ITGA11: variants seen among roughly 807,000 people sequenced by gnomAD.
ITGA11 encodes the protein integrin subunit alpha 11.
In ITGA11, 97 loss-of-function variants were observed where a neutral mutation model predicts 141.9. The observed-to-expected ratio is 0.68, with a 90% CI of 0.58 to 0.81. The LOEUF (loss-of-function observed/expected upper bound fraction) is 0.81, where lower values mean the gene tolerates loss of function less well. ITGA11 is among the 30% of genes least tolerant of loss of function. The pLI is 0.00. For missense variants in ITGA11, 1,387 were observed against 1,559.2 expected, an observed-to-expected ratio of 0.89 and a Z score of 1.86; for synonymous variants, 658 against 624.6, an observed-to-expected ratio of 1.05 and a Z score of -0.80.
intron 2 of ITGA11, among the ~76,000 whole-genome samples, chr15:68,387,090 G>A (rs1004727455): frequency 6.6e-6 from 1 of 152,110 alleles, no homozygotes; most frequent in Non-Finnish European, 1.5e-5. Flanking sequence ...AAAGTAAGGT[G>A]AGAAATCTGG....
At chr15:68,351,226 C>T (rs758245553) in intron 8 of ITGA11, 32 bp downstream of exon 8, 1 of 1,611,792 alleles carries the variant, frequency 6.2e-7, no homozygotes, top group Admixed American at 1.7e-5. Flanking sequence ...TCTCAGAGGC[C>T]ATCAGCAGCC....
At chr15:68,366,339 C>T (rs1389831015) in intron 3 of ITGA11, among the ~76,000 whole-genome samples, 1 of 152,014 alleles carries the variant, frequency 6.6e-6, no homozygotes, top group East Asian at 1.9e-4. Flanking sequence ...TAGTGACTGC[C>T]ACAAGGTTAC....
intron 6 of ITGA11, 119 bp from the exon 7 acceptor site, chr15:68,357,418 G>C: frequency 8.2e-7 from 1 of 1,226,026 alleles, no homozygotes. Flanking sequence ...AGGGAGGAGG[G>C]CTGAGGACCT....
rs772892198 is a variant in ITGA11 at position 68,335,705 on chromosome 15, C to T, written c.1417G>A (p.Gly473Ser). 17 of 1,613,536 alleles carry T rather than the reference C, an allele frequency of 1.1e-5. 1 individual carries two copies. The Admixed American group carries it at 1.2e-4, about 11-fold the overall frequency. The change falls in exon 12 of 30, where the codon GGC becomes AGC. Residue 473 changes from glycine to serine, a missense_variant. Physicochemically the swap from Gly to Ser is moderately conservative, Grantham distance 56. Coordinates refer to ENST00000315757, the MANE Select transcript of ITGA11 (RefSeq NM_001004439.2). The surrounding 1 kb of genome is among the most constrained non-coding windows in gnomAD (Gnocchi z 4.9). ...GGCTCCCCCTCCATTACCTGCTGGC[C>T]CCGCATAGCCTGGTGGATGGTGAGG... is the stretch of plus-strand genomic sequence containing the variant. ...RSLTIHQAMR[G>S]QQIGSYFGSE...
chr15:68,368,354 G>A (rs1050179461), intron 3 of ITGA11, among the ~76,000 whole-genome samples: 8 of 152,240 alleles, frequency 5.3e-5, no homozygotes, highest in African/African-American at 1.9e-4. Flanking sequence ...TCTGAGAGCA[G>A]AGCAAGCAAT....
At chr15:68,355,436 G>GTTCTTTTT (rs573266473) in intron 7 of ITGA11, among the ~76,000 whole-genome samples, 3 of 151,786 alleles carry the variant, frequency 2.0e-5, no homozygotes, top group African/African-American at 7.3e-5. Context: ...CTACTAAATA[G>GTTCTTTTT]TTCTTTTTTT....
At chr15:68,431,987 C>G (rs1897279755) in intron 1 of ITGA11, 28 bp downstream of exon 1, 2 of 1,296,024 alleles carry the variant, frequency 1.5e-6, no homozygotes, top group East Asian at 6.2e-5. Context: ...CTCCGAGAGG[C>G]AAGGGGAGGC....
At chr15:68,406,207 C>T (rs950114876) in intron 1 of ITGA11, among the ~76,000 whole-genome samples, 7 of 152,158 alleles carry the variant, frequency 4.6e-5, no homozygotes, top group African/African-American at 1.7e-4. Context: ...GGGACCCTTC[C>T]AAGACCTGTG....
chr15:68,427,333 A>G (rs763338267), intron 1 of ITGA11, among the ~76,000 whole-genome samples: 3 of 152,226 alleles, frequency 2.0e-5, no homozygotes, highest in Non-Finnish European at 4.4e-5. Flanking sequence ...ACATATGGAC[A>G]TTTAACCTGA....
At chr15:68,384,036 C>T (rs1027417150) in intron 2 of ITGA11, among the ~76,000 whole-genome samples, 3 of 152,116 alleles carry the variant, frequency 2.0e-5, no homozygotes, top group Admixed American at 1.3e-4. Flanking sequence ...TTTTCACTAC[C>T]GAGATTGTGC....
At chr15:68,338,801 C>G (rs1894457716) in intron 11 of ITGA11, among the ~76,000 whole-genome samples, 1 of 152,242 alleles carries the variant, frequency 6.6e-6, no homozygotes, top group Admixed American at 6.5e-5. Context: ...ACTTCACAGA[C>G]AGTGGATTTG....
At chr15:68,347,651 C>T (rs376791252) in intron 10 of ITGA11, among the ~76,000 whole-genome samples, 28 of 152,238 alleles carry the variant, frequency 1.8e-4, no homozygotes, top group Admixed American at 6.5e-4. Context: ...TTCCCTCTCA[C>T]GGAGCAGCTG....
intron 1 of ITGA11, among the ~76,000 whole-genome samples, chr15:68,403,672 T>C (rs935972953): frequency 2.0e-5 from 3 of 151,932 alleles, no homozygotes; most frequent in Non-Finnish European, 4.4e-5. Context: ...TCTCACTCTG[T>C]GGCCCAGGCT....
At chr15:68,317,814 T>C (rs1201664753) in intron 20 of ITGA11, among the ~76,000 whole-genome samples, 4 of 152,182 alleles carry the variant, frequency 2.6e-5, no homozygotes, top group East Asian at 1.9e-4. Flanking sequence ...CTCTGCACTG[T>C]TGGGCATTAC....
At chr15:68,363,839 C>A (rs1895331264) in intron 4 of ITGA11, among the ~76,000 whole-genome samples, 1 of 152,218 alleles carries the variant, frequency 6.6e-6, no homozygotes. Flanking sequence ...ACACTCACTA[C>A]CATGTGCAGA....
At chr15:68,414,861 C>T (rs945717780) in intron 1 of ITGA11, among the ~76,000 whole-genome samples, 8 of 152,330 alleles carry the variant, frequency 5.3e-5, no homozygotes, top group African/African-American at 1.9e-4. Flanking sequence ...CGGCTTAGCG[C>T]CCAGCCGGGC....
At chr15:68,417,419 C>G (rs1896912586) in intron 1 of ITGA11, among the ~76,000 whole-genome samples, 1 of 152,224 alleles carries the variant, frequency 6.6e-6, no homozygotes, top group Non-Finnish European at 1.5e-5. Context: ...TCTGTCTCTT[C>G]TGCCATACTT....
At chr15:68,312,722 G>C in intron 24 of ITGA11, 51 bp downstream of exon 24, 3 of 1,342,944 alleles carry the variant, frequency 2.2e-6, no homozygotes, top group Non-Finnish European at 1.1e-6. Context: ...CCAGGATGGG[G>C]GTGCTCAGAT....
In ITGA11 at chr15:68,306,426, TCAAA is replaced by T. The variant is rs1347126957; in HGVS notation, c.3381+918_3381+921del. The stretch of plus-strand genomic sequence containing the variant: ...ATTGCAGCATCTTTCAAGATTCGGT[TCAAA>T]CAGTCTCCAGAAAGCTTTCCGGGGA... On this transcript the variant is annotated intron_variant, in intron 28 of 29. Coordinates refer to ENST00000315757, the MANE Select transcript of ITGA11 (RefSeq NM_001004439.2). Among the ~76,000 whole-genome samples, 17 of 152,200 alleles carry T rather than the reference TCAAA, an allele frequency of 1.1e-4. No homozygotes were observed. In the South Asian group the frequency reaches 2.3e-3, roughly 20 times the overall value.
Sources: gnomAD v4.1 joint callset for allele counts (sites outside exome capture counted in the v4.1 genomes callset) on GRCh38, gnomAD v4.1.1 for gene constraint, Gnocchi (gnomAD v3.1) non-coding constraint, MANE v1.5 for transcripts, NCBI Gene and HGNC (gene_info 2026-07-23, HGNC 2026-07-21) for gene names.